Variants in PRKN observed in about 807,000 individuals in gnomAD.
PRKN encodes E3 ubiquitin-protein ligase parkin.
PRKN carries 56 observed loss-of-function variants against 59.5 expected under a neutral mutation model. The observed-to-expected ratio is 0.94, with a 90% CI of 0.76 to 1.18. The LOEUF (loss-of-function observed/expected upper bound fraction) is 1.18. Ranked by LOEUF, PRKN falls within the 50% of genes most tolerant of loss-of-function variation. The pLI, the probability that PRKN is intolerant of heterozygous loss-of-function variation, is 0.00. For synonymous variants in PRKN, 250 were observed against 222.1 expected (o/e 1.13, Z -1.12); for missense variants, 657 against 596.4 (o/e 1.10, Z -1.06).
chr6:162,548,623 T>C (rs2128202693), intron 1 of PRKN, among the ~76,000 whole-genome samples: 1 of 152,262 alleles, frequency 6.6e-6, no homozygotes, highest in South Asian at 2.1e-4. Flanking sequence ...AATACAATTG[T>C]CCATTTCCTT....
intron 1 of PRKN, among the ~76,000 whole-genome samples, chr6:162,658,658 C>CAAAAAAAAAAAAAAA (rs57853171): frequency 9.2e-6 from 1 of 109,110 alleles, no homozygotes; most frequent in Non-Finnish European, 1.9e-5. Context: ...GAGACTCTGT[C>CAAAAAAAAAAAAAAA]AAAAAAAAAA....
rs6941948 is a variant in PRKN at position 161,502,171 on chromosome 6, T to C, written c.1083+46683A>G. ...TCATCATTGTTGCTAATCATGTCCA[T>C]TTTGGGCCATGCACTGCACATGCTT... On this transcript the variant is annotated intron_variant, in intron 9 of 11. Transcript: ENST00000366898. This position sits in a 1 kb window ranked among gnomAD's most constrained non-coding sequence, Gnocchi z 4.0. Among the ~76,000 whole-genome samples, 1,834 of 152,282 alleles carry C rather than the reference T, an allele frequency of 0.012. 36 individuals are homozygous for C. The highest frequency in any genetic ancestry group is 0.042 in the African/African-American group (1,754 of 41,550).
intron 7 of PRKN, among the ~76,000 whole-genome samples, chr6:161,755,050 A>C (rs1344502500): frequency 6.6e-6 from 1 of 152,202 alleles, no homozygotes; most frequent in South Asian, 2.1e-4. Flanking sequence ...TGGCAAACAA[A>C]GTCCCAAACA....
chr6:161,537,707 T>C (rs915449404), intron 9 of PRKN, among the ~76,000 whole-genome samples: 23 of 152,198 alleles, frequency 1.5e-4, no homozygotes, highest in African/African-American at 4.8e-4. Context: ...CGCCTTAGCC[T>C]CCCAAAGTGC....
At chr6:161,903,322 T>A (rs1186716182) in intron 6 of PRKN, among the ~76,000 whole-genome samples, 1 of 152,094 alleles carries the variant, frequency 6.6e-6, no homozygotes, top group Non-Finnish European at 1.5e-5. Flanking sequence ...AACTGCAAAG[T>A]GGGCTCTTTT....
At position 161,407,085 on chromosome 6, in the gene PRKN, T is replaced by A. The variant is rs141123455; in HGVS notation, c.1084-20208A>T. Among the ~76,000 whole-genome samples the A allele has an allele frequency of 1.6e-4, 25 of 152,314 alleles. No homozygotes were observed. The East Asian group carries it at 4.4e-3, about 27-fold the overall frequency. On this transcript the variant is annotated intron_variant, in intron 9 of 11. Coordinates refer to ENST00000366898, the MANE Select transcript of PRKN (RefSeq NM_004562.3). This position sits in a 1 kb window ranked among gnomAD's most constrained non-coding sequence, Gnocchi z 4.9. ...TTAAGATCACCAAATTATATTTACATAAAAGCCTCTATAATGAGTATGCTA... is the reference window on the plus strand; with the variant it reads ...TTAAGATCACCAAATTATATTTACAAAAAAGCCTCTATAATGAGTATGCTA...
chr6:161,517,755 A>AT (rs1223574260), intron 9 of PRKN, among the ~76,000 whole-genome samples: 17 of 150,100 alleles, frequency 1.1e-4, no homozygotes, highest in African/African-American at 3.9e-4. Flanking sequence ...AAAAAAAAAA[A>AT]AAAAAAAAAA....
At chr6:161,828,936 A>C (rs1792359614) in intron 6 of PRKN, among the ~76,000 whole-genome samples, 1 of 151,944 alleles carries the variant, frequency 6.6e-6, no homozygotes, top group Non-Finnish European at 1.5e-5. Context: ...TCTCAAAAAA[A>C]AAAAAAAGAG....
At chr6:162,350,810 A>G (rs1583424399) in intron 2 of PRKN, among the ~76,000 whole-genome samples, 1 of 152,160 alleles carries the variant, frequency 6.6e-6, no homozygotes, top group East Asian at 1.9e-4. Context: ...AAAAAGAGCA[A>G]AGTTACAAAT....
chr6:162,208,694 G>T (rs1003968524), intron 3 of PRKN, among the ~76,000 whole-genome samples: 1 of 152,146 alleles, frequency 6.6e-6, no homozygotes, highest in Non-Finnish European at 1.5e-5. Flanking sequence ...TACGGGCCAG[G>T]AAATGGGCAC....
intron 1 of PRKN, among the ~76,000 whole-genome samples, chr6:162,480,079 T>C (rs1373959146): frequency 1.3e-5 from 2 of 150,226 alleles, no homozygotes; most frequent in African/African-American, 2.5e-5. Context: ...AAAAAAAAAA[T>C]AGTATAAGTT....
At chr6:162,517,831 CA>C (rs2128192613) in intron 1 of PRKN, among the ~76,000 whole-genome samples, 2 of 152,136 alleles carry the variant, frequency 1.3e-5, no homozygotes, top group East Asian at 3.9e-4. Flanking sequence ...TTATATTAAC[CA>C]ACAATCTTTT....
chr6:161,414,753 C>T lies in PRKN; in HGVS notation c.1084-27876G>A, dbSNP rs762707315. 6.6e-6 allele frequency among the ~76,000 whole-genome samples: 1 copy of T among 152,192 alleles called. No homozygotes were observed. Among genetic ancestry groups the T allele is most frequent in the Non-Finnish European group, 1.5e-5 (1 of 68,042 alleles). On this transcript the variant is annotated intron_variant, in intron 9 of 11. Transcript: ENST00000366898. The surrounding 1 kb of genome is among the most constrained non-coding windows in gnomAD (Gnocchi z 5.3). ...AAGGCATGAAAGGCACATTATGCTTCTCCACCAGAGGAGGGTCTCCGCAGG... is the reference window on the plus strand; with the variant it reads ...AAGGCATGAAAGGCACATTATGCTTTTCCACCAGAGGAGGGTCTCCGCAGG...
At chr6:161,895,520 CCCCCCAGTGAGGCT>C (rs1777583577) in intron 6 of PRKN, among the ~76,000 whole-genome samples, 40 of 127,998 alleles carry the variant, frequency 3.1e-4, no homozygotes, top group South Asian at 2.4e-3. Context: ...TGCCGTTATG[CCCCCCAGTGAGGCT>C]TCTGAGATTC....
chr6:161,557,215 G>A (rs1319187562), intron 8 of PRKN, among the ~76,000 whole-genome samples: 1 of 152,144 alleles, frequency 6.6e-6, no homozygotes, highest in Non-Finnish European at 1.5e-5. Flanking sequence ...TCTTTGGGGA[G>A]TAAATTATTC....
chr6:161,773,373 T>C (rs1408600121), intron 7 of PRKN, among the ~76,000 whole-genome samples: 1 of 152,200 alleles, frequency 6.6e-6, no homozygotes, highest in East Asian at 1.9e-4. Flanking sequence ...ATGCATACAT[T>C]CAAAAATTGT....
intron 6 of PRKN, among the ~76,000 whole-genome samples, chr6:161,850,476 T>G (rs189059935): frequency 6.8e-6 from 1 of 146,352 alleles, no homozygotes; most frequent in African/African-American, 2.6e-5. Context: ...CTTGGGAGGC[T>G]GAGGCAGGAG....
chr6:161,395,705 C>T lies in PRKN; in HGVS notation c.1084-8828G>A, dbSNP rs1419581085. Among the ~76,000 whole-genome samples, 2 of 152,162 alleles carry T rather than the reference C, an allele frequency of 1.3e-5. No individual in the cohort carries two copies. Among genetic ancestry groups the T allele is most frequent in the Non-Finnish European group, 2.9e-5 (2 of 68,034 alleles). Reference sequence around the variant, plus strand: ...ACCTTCTTTATACATGTTTTGTCACCACAGAGTTGTGTTCCTAGCCAAAGC... The same window carrying T: ...ACCTTCTTTATACATGTTTTGTCACTACAGAGTTGTGTTCCTAGCCAAAGC... On this transcript the variant is annotated intron_variant, in intron 9 of 11. Transcript: ENST00000366898. This position sits in a 1 kb window ranked among gnomAD's most constrained non-coding sequence, Gnocchi z 5.0.
intron 9 of PRKN, among the ~76,000 whole-genome samples, chr6:161,501,184 C>G (rs1777951041): frequency 6.6e-6 from 1 of 152,118 alleles, no homozygotes; most frequent in Admixed American, 6.5e-5. Flanking sequence ...GTTTAGTTTT[C>G]TAAGAAACTG....
Sources: gnomAD v4.1 joint callset for allele counts (sites outside exome capture counted in the v4.1 genomes callset) on GRCh38, gnomAD v4.1.1 for gene constraint, Gnocchi (gnomAD v3.1) non-coding constraint, MANE v1.5 for transcripts, NCBI Gene and HGNC (gene_info 2026-07-23, HGNC 2026-07-21) for gene names.